The following PCNT variants were observed in gnomAD, a reference collection of about 807,000 sequenced individuals.
PCNT encodes pericentrin.
PCNT carries 319 observed loss-of-function variants against 380.4 expected under a neutral mutation model. The observed-to-expected ratio is 0.84, with a 90% CI of 0.77 to 0.92. The LOEUF (loss-of-function observed/expected upper bound fraction) is 0.92, where lower values mean the gene tolerates loss of function less well. Ranked by LOEUF, PCNT falls within the 40% of genes least tolerant of loss-of-function variation. The probability of loss-of-function intolerance (pLI) is 0.00; values close to 1 mark genes in which losing one functional copy is unlikely to be tolerated. For synonymous variants in PCNT, 1,845 were observed against 1,735.2 expected, an observed-to-expected ratio of 1.06 and a Z score of -1.57; for missense variants, 4,400 against 4,255.3, an observed-to-expected ratio of 1.03 and a Z score of -0.95.
At chr21:46,436,924 C>A in intron 39 of PCNT, 55 bp from the exon 40 acceptor site, 1 of 1,257,852 alleles carries the variant, frequency 8.0e-7, no homozygotes, top group Non-Finnish European at 1.2e-6. Flanking sequence ...TTTAGTTTTG[C>A]ATAATGGTCA....
chr21:46,349,944 C>T, intron 8 of PCNT, 124 bp downstream of exon 8: 1 of 967,700 alleles, frequency 1.0e-6, no homozygotes, highest in Non-Finnish European at 1.6e-6. Flanking sequence ...AAGAGACTGG[C>T]TGGGAACAGT....
At chr21:46,353,560 T>G (rs967285036) in intron 10 of PCNT, among the ~76,000 whole-genome samples, 3 of 151,978 alleles carry the variant, frequency 2.0e-5, no homozygotes, top group Admixed American at 6.5e-5. Flanking sequence ...CGTGCACATG[T>G]TGGTGGTGGA....
At chr21:46,334,812 A>T (rs2083681202) in intron 3 of PCNT, 44 bp downstream of exon 3, 1 of 1,613,956 alleles carries the variant, frequency 6.2e-7, no homozygotes, top group Non-Finnish European at 8.5e-7. Context: ...TTGTCAAAAG[A>T]TTTCTTTATG....
intron 30 of PCNT, 82 bp downstream of exon 30, chr21:46,416,921 T>C: frequency 7.0e-7 from 1 of 1,421,974 alleles, no homozygotes; most frequent in Non-Finnish European, 9.6e-7. Flanking sequence ...CCATTGTTTG[T>C]TCACCTCCTG....
intron 13 of PCNT, among the ~76,000 whole-genome samples, chr21:46,358,567 C>T (rs1048056006): frequency 6.6e-6 from 1 of 151,962 alleles, no homozygotes; most frequent in Non-Finnish European, 1.5e-5. Flanking sequence ...TTCTCTGGCA[C>T]TGTTGGCTGA....
rs1438804717 is a variant in PCNT at position 46,357,197 on chromosome 21, T to C, written c.2154+6T>C. On this transcript the variant is annotated splice_donor_region_variant and intron_variant, in intron 13 of 46. Transcript: ENST00000359568. The stretch of plus-strand genomic sequence containing the variant: ...TGAAGGACGATTTGGAGAAGGTGAG[T>C]CGTGACTCCACAGCCCAGCGCCTCC... 2.5e-6 allele frequency: 4 copies of C among 1,579,570 alleles called. No individual in the cohort carries two copies. The highest frequency in any genetic ancestry group is 1.7e-5 in the Admixed American group (1 of 59,936).
Position 46,381,238 on chromosome 21 carries a change from GTGTGTGTA to G in PCNT, c.3166-454_3166-447del, listed in dbSNP as rs1364073089. ...TGTGTGTGTGTGTGTGTGTGTGTGT[GTGTGTGTA>G]TAGAATTCATCTATTGAACCTTATT... On this transcript the variant is annotated intron_variant, in intron 15 of 46. Transcript: ENST00000359568. Among the ~76,000 whole-genome samples the G allele has an allele frequency of 1.4e-4, 16 of 112,280 alleles. No homozygotes were observed. The East Asian group carries it at 3.3e-3, about 23-fold the overall frequency. The allele number at this position is 112,280 out of a possible 152,430, so 73.7% of individuals were successfully genotyped here.
chr21:46,371,211 TTTC>T (rs2085114312), intron 15 of PCNT, among the ~76,000 whole-genome samples: 2 of 127,134 alleles, frequency 1.6e-5, no homozygotes, highest in African/African-American at 2.7e-5. Flanking sequence ...ATTTTCTTTC[TTTC>T]TTTTTTTTTT....
At chr21:46,373,341 C>T (rs1410540427) in intron 15 of PCNT, among the ~76,000 whole-genome samples, 1 of 151,792 alleles carries the variant, frequency 6.6e-6, no homozygotes. Context: ...ACTCCTAGAG[C>T]GTCTTTGCAG....
intron 38 of PCNT, among the ~76,000 whole-genome samples, chr21:46,432,590 T>G (rs539752797): frequency 7.2e-5 from 11 of 152,320 alleles, no homozygotes; most frequent in African/African-American, 2.4e-4. Flanking sequence ...CAGTGTGAGG[T>G]CTTTTGATCC....
chr21:46,375,709 G>A (rs116975038), intron 15 of PCNT, among the ~76,000 whole-genome samples: 2,341 of 152,242 alleles, frequency 0.015, 27 homozygotes, highest in Non-Finnish European at 0.024. Context: ...GGCACTGGCC[G>A]TCTCACTGCT....
At position 46,367,274 on chromosome 21, in the gene PCNT, G is replaced by T. The variant is rs114734904; in HGVS notation, c.3165+135G>T. 1.9e-3 allele frequency: 1,313 copies of T among 690,972 alleles called. 13 individuals carry two copies. The African/African-American group carries it at 0.021, about 11-fold the overall frequency. 42.8% of individuals were successfully genotyped at this position (690,972 alleles called of 1,614,324 possible). A position where few individuals can be genotyped will look rare whatever the true frequency, so the allele number is the denominator to read the frequency against. ...GTCTGTGTGTCTCACAGGCTGCCGAGATCAGTGGGGACTTCTGGTCTCTTT... is the reference window on the plus strand; with the variant it reads ...GTCTGTGTGTCTCACAGGCTGCCGATATCAGTGGGGACTTCTGGTCTCTTT... On this transcript the variant is annotated intron_variant, in intron 15 of 46. Coordinates refer to ENST00000359568, the MANE Select transcript of PCNT (RefSeq NM_006031.6).
chr21:46,374,837 A>G (rs933418691), intron 15 of PCNT, among the ~76,000 whole-genome samples: 9 of 146,388 alleles, frequency 6.1e-5, no homozygotes, highest in African/African-American at 2.3e-4. Flanking sequence ...CAACAAGAGC[A>G]AAACTTCGTC....
rs2146181783 is a variant in PCNT, at chr21:46,324,171, A to C, written c.-58A>C. ...CGGGGGAGGGAGTGTAAATAGAGCG[A>C]AGGCTGCTCTGTGTCAGCCCCGTCA... is the stretch of plus-strand genomic sequence containing the variant. On this transcript the variant is annotated 5_prime_UTR_variant, in exon 1 of 47. Transcript: ENST00000359568. 1.4e-6 allele frequency: 2 copies of C among 1,444,272 alleles called. No homozygotes were observed. Among genetic ancestry groups the C allele is most frequent in the Middle Eastern group, 1.8e-4 (1 of 5,642 alleles). The allele number at this position is 1,444,272 out of a possible 1,614,324, so 89.5% of individuals were successfully genotyped here.
chr21:46,413,436 A>G (rs1353308563), intron 29 of PCNT, among the ~76,000 whole-genome samples: 1 of 152,174 alleles, frequency 6.6e-6, no homozygotes, highest in African/African-American at 2.4e-5. Context: ...AGAGGCGGGT[A>G]TTCTGCTGAG....
chr21:46,417,449 C>A (rs1005756621), intron 30 of PCNT, among the ~76,000 whole-genome samples: 1 of 152,118 alleles, frequency 6.6e-6, no homozygotes, highest in Admixed American at 6.5e-5. Context: ...ACCTCAGCCT[C>A]CCAAAGTGCT....
At chr21:46,374,007 C>T (rs1311722056) in intron 15 of PCNT, among the ~76,000 whole-genome samples, 2 of 151,882 alleles carry the variant, frequency 1.3e-5, no homozygotes, top group Non-Finnish European at 2.9e-5. Context: ...GGATTACAGG[C>T]GTGAGCCACT....
intron 16 of PCNT, among the ~76,000 whole-genome samples, chr21:46,383,585 G>A (rs2085680991): frequency 7.1e-6 from 1 of 140,794 alleles, no homozygotes; most frequent in Non-Finnish European, 1.5e-5. Flanking sequence ...ACAGTGCTGT[G>A]CATTCAGCAG....
chr21:46,370,485 G>A (rs542152911), intron 15 of PCNT, among the ~76,000 whole-genome samples: 35 of 152,258 alleles, frequency 2.3e-4, no homozygotes, highest in Middle Eastern at 6.8e-3. Context: ...TGATGGCATA[G>A]GGAGGGGCAT....
Sources: allele counts gnomAD v4.1 joint callset (sites outside exome capture counted in the v4.1 genomes callset), GRCh38; gene constraint gnomAD v4.1.1; transcripts MANE v1.5; gene names NCBI Gene and HGNC (gene_info 2026-07-23, HGNC 2026-07-21).